ABCB1: variants seen among roughly 807,000 people sequenced by gnomAD.
The protein encoded by ABCB1 is ATP binding cassette subfamily B member 1, also known as ATP-dependent translocase ABCB1.
Under a neutral mutation model 142.0 loss-of-function variants are expected in ABCB1, and 69 were observed. The observed-to-expected ratio is 0.49, with a 90% confidence interval of 0.40 to 0.59. ABCB1 has a LOEUF of 0.59. Among genes scored for constraint, ABCB1 ranks in the 20% least tolerant of loss-of-function variants. The pLI is 0.00. For synonymous variants in ABCB1, 532 were observed against 539.2 expected (o/e 0.99, Z 0.18); for missense variants, 1,326 against 1,554.7 (o/e 0.85, Z 2.47).
intron 20 of ABCB1, 57 bp from the exon 21 acceptor site, chr7:87,531,554 T>G (rs1816060061): frequency 6.5e-7 from 1 of 1,532,194 alleles, no homozygotes; most frequent in South Asian, 1.1e-5. Flanking sequence ...CAACTCATGC[T>G]TCTATTTTCT....
At chr7:87,700,449 T>C (rs1828931667) in intron 1 of ABCB1, 1 of 1,612,574 alleles carries the variant, frequency 6.2e-7, no homozygotes, top group Non-Finnish European at 8.5e-7. Flanking sequence ...GTTATGAAAG[T>C]CCTCGTAGCT....
intron 3 of ABCB1, among the ~76,000 whole-genome samples, chr7:87,588,551 G>A (rs1037186746): frequency 6.6e-6 from 1 of 152,176 alleles, no homozygotes; most frequent in Non-Finnish European, 1.5e-5. Context: ...AATGCTCTAT[G>A]TGTACCACAT....
Position 87,606,582 on chromosome 7 carries a change from G to A in ABCB1, c.-330-5504C>T, listed in dbSNP as rs750801041. Among the ~76,000 whole-genome samples the A allele has an allele frequency of 6.6e-5, 10 of 151,958 alleles. No individual in the cohort carries two copies. In the South Asian group the frequency reaches 8.3e-4, roughly 13 times the overall value. On this transcript the variant is annotated intron_variant, in intron 1 of 28. Transcript: ENST00000265724. ...CTTTAAAAAAGTAGTAATATAAAAC[G>A]TGCTTACAGAGTTTGTGATAACCTC...
chr7:87,609,090 T>C (rs1423108746), intron 1 of ABCB1, among the ~76,000 whole-genome samples: 2 of 152,100 alleles, frequency 1.3e-5, no homozygotes, highest in Non-Finnish European at 2.9e-5. Flanking sequence ...AACAACACAG[T>C]AAATAAGTGA....
At chr7:87,508,389 T>A (rs979015252) in intron 26 of ABCB1, among the ~76,000 whole-genome samples, 1 of 152,188 alleles carries the variant, frequency 6.6e-6, no homozygotes, top group African/African-American at 2.4e-5. Flanking sequence ...GAAATATAAG[T>A]GAATTATGTA....
At chr7:87,519,258 C>G in intron 23 of ABCB1, 68 bp downstream of exon 23, 1 of 1,489,920 alleles carries the variant, frequency 6.7e-7, no homozygotes, top group Non-Finnish European at 9.3e-7. Context: ...GGTTTCCTAT[C>G]TAGACATGAA....
Position 87,520,767 on chromosome 7 carries a change from G to T in ABCB1, c.2786+9C>A, listed in dbSNP as rs41309222. ...TCACACTCTCCTCCCACTCTTCAGC[G>T]GTTATTACCTGTATGGTACCTGCAA... On this transcript the variant is annotated intron_variant, in intron 22 of 27. Coordinates refer to ENST00000622132, the MANE Select transcript of ABCB1 (RefSeq NM_001348946.2). The T allele has an allele frequency of 1.9e-6, 3 of 1,604,142 alleles. No individual in the cohort carries two copies. Among genetic ancestry groups the T allele is most frequent in the African/African-American group, 2.7e-5 (2 of 74,608 alleles).
At chr7:87,623,699 T>TC (rs1028614261) in intron 1 of ABCB1, among the ~76,000 whole-genome samples, 58 of 152,278 alleles carry the variant, frequency 3.8e-4, no homozygotes, top group African/African-American at 1.4e-3. Flanking sequence ...ACATGGACTT[T>TC]TTTTTTTTAA....
At chr7:87,622,382 G>T (rs1462306406) in intron 1 of ABCB1, among the ~76,000 whole-genome samples, 1 of 152,262 alleles carries the variant, frequency 6.6e-6, no homozygotes, top group Admixed American at 6.5e-5. Context: ...AAAAGATATT[G>T]CTCTTTGCTT....
At chr7:87,531,233 A>G (rs531962907) in intron 21 of ABCB1, 61 bp downstream of exon 21, 2 of 1,439,822 alleles carry the variant, frequency 1.4e-6, no homozygotes, top group East Asian at 2.3e-5. Flanking sequence ...GAGTAACAAA[A>G]TAACACTGAT....
At chr7:87,558,060 T>C (rs1465424062) in intron 8 of ABCB1, among the ~76,000 whole-genome samples, 1 of 152,176 alleles carries the variant, frequency 6.6e-6, no homozygotes. Context: ...AAAACCTCCC[T>C]GAGAATCTGG....
rs921555665 is a variant in ABCB1 at position 87,687,861 on chromosome 7, T to A, written c.-331+25300A>T. The stretch of plus-strand genomic sequence containing the variant: ...CTCCCCATGAGGCCATCTTTTGAAG[T>A]ACAGTGTAAACACTGTTAGAAACAA... On this transcript the variant is annotated intron_variant, in intron 1 of 28. Transcript: ENST00000265724. Among the ~76,000 whole-genome samples the A allele has an allele frequency of 3.3e-5, 5 of 152,196 alleles. No homozygotes were observed. The East Asian group carries it at 9.6e-4, about 29-fold the overall frequency.
intron 3 of ABCB1, among the ~76,000 whole-genome samples, chr7:87,587,979 G>T (rs1043109004): frequency 2.0e-5 from 3 of 151,930 alleles, no homozygotes; most frequent in African/African-American, 7.3e-5. Context: ...CAAGTTTGGG[G>T]TGTAAAGTGT....
At chr7:87,519,679 G>A (rs1815407822) in intron 22 of ABCB1, among the ~76,000 whole-genome samples, 1 of 152,318 alleles carries the variant, frequency 6.6e-6, no homozygotes, top group African/African-American at 2.4e-5. Context: ...TATCTTTAAT[G>A]TAGAATTAAC....
intron 1 of ABCB1, among the ~76,000 whole-genome samples, chr7:87,686,776 GAAAAA>G (rs555870738): frequency 9.3e-5 from 10 of 106,976 alleles, no homozygotes; most frequent in Non-Finnish European, 2.0e-4. Flanking sequence ...CCCGCCTCTA[GAAAAA>G]AAAAAAAAAA....
intron 3 of ABCB1, among the ~76,000 whole-genome samples, chr7:87,591,851 C>G (rs1819012310): frequency 6.6e-6 from 1 of 152,128 alleles, no homozygotes; most frequent in Non-Finnish European, 1.5e-5. Flanking sequence ...ATGTCCACAT[C>G]ATCTCTGACT....
chr7:87,640,315 T>C (rs1822299920), intron 1 of ABCB1, among the ~76,000 whole-genome samples: 2 of 151,854 alleles, frequency 1.3e-5, no homozygotes. Context: ...CCTTCCTCAG[T>C]TTTGGAAAAA....
At chr7:87,628,584 C>T (rs866518592) in intron 1 of ABCB1, 293 of 290,724 alleles carry the variant, frequency 1.0e-3, no homozygotes, top group African/African-American at 1.3e-3. Context: ...TGCGTGCGTG[C>T]GTGTGTGTGT....
At chr7:87,671,196 A>G (rs1229725462) in intron 1 of ABCB1, among the ~76,000 whole-genome samples, 1 of 152,058 alleles carries the variant, frequency 6.6e-6, no homozygotes, top group African/African-American at 2.4e-5. Flanking sequence ...GACCTGTGGG[A>G]GACGTACTGG....
Sources: allele counts gnomAD v4.1 joint callset (sites outside exome capture counted in the v4.1 genomes callset), GRCh38; gene constraint gnomAD v4.1.1; transcripts MANE v1.5; gene names NCBI Gene and HGNC (gene_info 2026-07-23, HGNC 2026-07-21).